Variants in KCTD8 observed in about 807,000 individuals in gnomAD.
KCTD8 encodes the protein BTB/POZ domain-containing protein KCTD8.
KCTD8 carries 27 observed loss-of-function variants against 31.5 expected under a neutral mutation model. The observed-to-expected ratio is 0.86, with a 90% CI of 0.63 to 1.18. The LOEUF (loss-of-function observed/expected upper bound fraction) is 1.18. Ranked by LOEUF, KCTD8 falls within the 50% of genes most tolerant of loss-of-function variation. The pLI is 0.00. For synonymous variants in KCTD8, 290 were observed against 280.0 expected, an observed-to-expected ratio of 1.04 and a Z score of -0.36; for missense variants, 658 against 647.7, an observed-to-expected ratio of 1.02 and a Z score of -0.17.
intron 1 of KCTD8, among the ~76,000 whole-genome samples, chr4:44,310,093 G>T (rs536610142): frequency 1.3e-5 from 2 of 152,140 alleles, no homozygotes; most frequent in African/African-American, 2.4e-5. Context: ...CAATTGAGAA[G>T]AAATATAACC....
intron 1 of KCTD8, among the ~76,000 whole-genome samples, chr4:44,377,597 G>A (rs573863623): frequency 8.5e-5 from 13 of 152,188 alleles, no homozygotes; most frequent in Non-Finnish European, 1.8e-4. Context: ...AAGGGCCAGA[G>A]TGGGTCCAGC....
At chr4:44,181,950 TGAGAAGTGAGGAGCCCCTCC>T (rs1713426121) in intron 1 of KCTD8, among the ~76,000 whole-genome samples, 1 of 141,538 alleles carries the variant, frequency 7.1e-6, no homozygotes, top group Non-Finnish European at 1.6e-5. Context: ...CCGCCCCCTC[TGAGAAGTGAGGAGCCCCTCC>T]GCCCGGCAGC....
chr4:44,345,248 CAA>C (rs1261269875), intron 1 of KCTD8, among the ~76,000 whole-genome samples: 1 of 151,912 alleles, frequency 6.6e-6, no homozygotes, highest in African/African-American at 2.4e-5. Flanking sequence ...CAAAAATCCC[CAA>C]GTTTTAATAT....
At chr4:44,208,287 T>C (rs1577831271) in intron 1 of KCTD8, among the ~76,000 whole-genome samples, 1 of 152,198 alleles carries the variant, frequency 6.6e-6, no homozygotes, top group Admixed American at 6.5e-5. Flanking sequence ...TCAATACCAA[T>C]TGGTGTCACA....
intron 1 of KCTD8, among the ~76,000 whole-genome samples, chr4:44,422,628 G>A (rs1326058482): frequency 6.6e-6 from 1 of 152,086 alleles, no homozygotes; most frequent in Non-Finnish European, 1.5e-5. Context: ...AGTACAACTT[G>A]CAGAAGAAGG....
intron 1 of KCTD8, among the ~76,000 whole-genome samples, chr4:44,431,749 C>T (rs1166120150): frequency 6.6e-6 from 1 of 151,532 alleles, no homozygotes; most frequent in Non-Finnish European, 1.5e-5. Flanking sequence ...CTTAACAAAA[C>T]TGGGATTTGT....
intron 1 of KCTD8, among the ~76,000 whole-genome samples, chr4:44,359,909 T>C (rs1719452536): frequency 6.6e-6 from 1 of 152,052 alleles, no homozygotes; most frequent in African/African-American, 2.4e-5. Context: ...AAAATATACA[T>C]ATTTATGTGA....
At chr4:44,418,627 G>A (rs1361951651) in intron 1 of KCTD8, among the ~76,000 whole-genome samples, 4 of 152,166 alleles carry the variant, frequency 2.6e-5, no homozygotes, top group East Asian at 3.9e-4. Flanking sequence ...AAATCTTGCT[G>A]AGCAAATACT....
intron 1 of KCTD8, among the ~76,000 whole-genome samples, chr4:44,228,388 A>G (rs1715024833): frequency 6.6e-6 from 1 of 152,098 alleles, no homozygotes; most frequent in Non-Finnish European, 1.5e-5. Flanking sequence ...TACCTTAGTT[A>G]CCTTTTTAGA....
At chr4:44,400,707 G>A (rs1166888532) in intron 1 of KCTD8, among the ~76,000 whole-genome samples, 1 of 143,906 alleles carries the variant, frequency 6.9e-6, no homozygotes, top group Non-Finnish European at 1.5e-5. Context: ...CCAGCCTGGG[G>A]GACAGAATGA....
At chr4:44,269,679 C>G (rs1472064051) in intron 1 of KCTD8, among the ~76,000 whole-genome samples, 1 of 151,982 alleles carries the variant, frequency 6.6e-6, no homozygotes, top group Non-Finnish European at 1.5e-5. Flanking sequence ...ACAATGAACT[C>G]AAACAAATTT....
intron 1 of KCTD8, among the ~76,000 whole-genome samples, chr4:44,218,198 A>G (rs1372661413): frequency 2.2e-5 from 3 of 137,684 alleles, no homozygotes; most frequent in African/African-American, 8.4e-5. Flanking sequence ...CGGTGGCGCA[A>G]TCTCGGCTCA....
At chr4:44,232,519 A>G (rs1715152364) in intron 1 of KCTD8, among the ~76,000 whole-genome samples, 1 of 152,172 alleles carries the variant, frequency 6.6e-6, no homozygotes, top group Admixed American at 6.5e-5. Context: ...TTCGGTTTTC[A>G]AGGTAGCTGC....
intron 1 of KCTD8, among the ~76,000 whole-genome samples, chr4:44,207,082 G>T (rs1714336524): frequency 6.6e-6 from 1 of 152,130 alleles, no homozygotes; most frequent in Non-Finnish European, 1.5e-5. Flanking sequence ...TAACACTTGT[G>T]CTGTGACTTT....
At chr4:44,395,180 T>C (rs1032712585) in intron 1 of KCTD8, among the ~76,000 whole-genome samples, 8 of 152,086 alleles carry the variant, frequency 5.3e-5, no homozygotes, top group Non-Finnish European at 1.0e-4. Context: ...CATGTTTAGA[T>C]TTTGATAGTC....
chr4:44,213,894 A>C (rs1334439118), intron 1 of KCTD8, among the ~76,000 whole-genome samples: 1 of 152,202 alleles, frequency 6.6e-6, no homozygotes, highest in Non-Finnish European at 1.5e-5. Context: ...AGTAGCTCTG[A>C]AAAACTCCCC....
intron 1 of KCTD8, among the ~76,000 whole-genome samples, chr4:44,402,156 GA>G (rs1720680293): frequency 6.6e-6 from 1 of 152,124 alleles, no homozygotes; most frequent in African/African-American, 2.4e-5. Flanking sequence ...AACAACAACT[GA>G]ATAAAGGACA....
intron 1 of KCTD8, among the ~76,000 whole-genome samples, chr4:44,208,527 T>C (rs1000064208): frequency 1.3e-5 from 2 of 152,182 alleles, no homozygotes; most frequent in Admixed American, 6.5e-5. Context: ...ATACAAATTA[T>C]ATTGAAAATC....
intron 1 of KCTD8, among the ~76,000 whole-genome samples, chr4:44,352,149 T>C (rs897153537): frequency 1.3e-5 from 2 of 152,008 alleles, no homozygotes; most frequent in African/African-American, 4.8e-5. Context: ...TGATTCCAGT[T>C]TACCTAAATG....
Sources: gnomAD v4.1 joint callset for allele counts (sites outside exome capture counted in the v4.1 genomes callset) on GRCh38, gnomAD v4.1.1 for gene constraint, MANE v1.5 for transcripts, NCBI Gene and HGNC (gene_info 2026-07-23, HGNC 2026-07-21) for gene names.